The following RANBP2 variants were observed in gnomAD, a reference collection of about 807,000 sequenced individuals.
RANBP2 encodes RAN binding protein 2.
Under a neutral mutation model 303.6 loss-of-function variants are expected in RANBP2, and 57 were observed. The ratio of observed to expected loss-of-function variants is 0.19; its 90% confidence interval spans 0.15 to 0.23. RANBP2 has a LOEUF of 0.23. Among genes scored for constraint, RANBP2 ranks in the 10% least tolerant of loss-of-function variants. RANBP2 has a pLI of 1.00. For synonymous variants in RANBP2, 1,167 were observed against 1,301.5 expected, an observed-to-expected ratio of 0.90 and a Z score of 2.23; for missense variants, 3,138 against 3,780.8, an observed-to-expected ratio of 0.83 and a Z score of 4.46.
At chr2:109,574,198 A>G in the RANBP2 span, among the ~76,000 whole-genome samples, 80,442 of 151,648 alleles carry the variant, frequency 0.53, 22,711 homozygotes, top group African/African-American at 0.73. Context: ...TAGCACTTCA[A>G]GAGACCAAGG....
chr2:109,095,919 A>C, the RANBP2 span, among the ~76,000 whole-genome samples: 1 of 152,160 alleles, frequency 6.6e-6, no homozygotes, highest in Non-Finnish European at 1.5e-5. Context: ...CCTTTGGGTA[A>C]ATGGCAGGGA....
chr2:109,284,015 A>G, the RANBP2 span, among the ~76,000 whole-genome samples: 1 of 152,082 alleles, frequency 6.6e-6, no homozygotes, highest in Non-Finnish European at 1.5e-5. Context: ...CTGGGTAGGA[A>G]AGCCGAGGGG....
At chr2:109,169,239 G>A in the RANBP2 span, among the ~76,000 whole-genome samples, 1 of 152,320 alleles carries the variant, frequency 6.6e-6, no homozygotes, top group South Asian at 2.1e-4. Flanking sequence ...TTGTCTCTAA[G>A]CATTTAAAAT....
the RANBP2 span, among the ~76,000 whole-genome samples, chr2:109,447,669 C>T: frequency 2.6e-5 from 4 of 152,034 alleles, no homozygotes; most frequent in Non-Finnish European, 4.4e-5. Context: ...CCCCTGGGGC[C>T]GTTCATTCTC....
the RANBP2 span, among the ~76,000 whole-genome samples, chr2:109,367,817 GA>G: frequency 6.6e-6 from 1 of 152,128 alleles, no homozygotes; most frequent in African/African-American, 2.4e-5. Context: ...GAGTTCCTAG[GA>G]GTGGCTATTT....
the RANBP2 span, among the ~76,000 whole-genome samples, chr2:109,429,245 C>T: frequency 5.9e-5 from 9 of 152,130 alleles, no homozygotes; most frequent in Non-Finnish European, 8.8e-5. Flanking sequence ...CCACCCAACA[C>T]GAGCCGCATG....
chr2:109,365,792 C>T, the RANBP2 span, among the ~76,000 whole-genome samples: 19,737 of 152,108 alleles, frequency 0.13, 1,432 homozygotes, highest in Middle Eastern at 0.24. Flanking sequence ...TCCCGGCTGT[C>T]GACTGTACTT....
At chr2:109,078,242 AGCGTG>A in the RANBP2 span, among the ~76,000 whole-genome samples, 2 of 30,972 alleles carry the variant, frequency 6.5e-5, no homozygotes, top group Admixed American at 4.1e-4. Context: ...ATATATATAT[AGCGTG>A]TATATATATA....
the RANBP2 span, among the ~76,000 whole-genome samples, chr2:109,581,294 G>A: frequency 3.9e-5 from 6 of 152,024 alleles, no homozygotes; most frequent in African/African-American, 1.4e-4. Flanking sequence ...AAAATTAGCC[G>A]GGTGTCATAG....
chr2:109,134,820 C>G, the RANBP2 span, among the ~76,000 whole-genome samples: 1 of 152,212 alleles, frequency 6.6e-6, no homozygotes, highest in East Asian at 1.9e-4. Flanking sequence ...CTCTTCTATG[C>G]AAGGCTGCTG....
At chr2:109,513,218 G>T in the RANBP2 span, among the ~76,000 whole-genome samples, 1 of 151,998 alleles carries the variant, frequency 6.6e-6, no homozygotes, top group Non-Finnish European at 1.5e-5. Context: ...CAGCACCCAG[G>T]CCCCATGGAT....
chr2:109,026,608 G>A, the RANBP2 span, among the ~76,000 whole-genome samples: 1 of 152,154 alleles, frequency 6.6e-6, no homozygotes, highest in South Asian at 2.1e-4. Context: ...GATATGTCAT[G>A]TATTCAAGTG....
chr2:108,910,812 G>C, the RANBP2 span: 1 of 1,613,824 alleles, frequency 6.2e-7, no homozygotes, highest in African/African-American at 1.3e-5. Flanking sequence ...TTGCTCACTT[G>C]GGCCTCCACG....
the RANBP2 span, among the ~76,000 whole-genome samples, chr2:109,390,170 G>C: frequency 6.6e-6 from 1 of 152,232 alleles, no homozygotes; most frequent in Non-Finnish European, 1.5e-5. Context: ...TCCCAACAGA[G>C]AGACTTCCCT....
chr2:109,399,858 A>C, the RANBP2 span, among the ~76,000 whole-genome samples: 1 of 152,182 alleles, frequency 6.6e-6, no homozygotes, highest in African/African-American at 2.4e-5. Context: ...GACCTTCTGC[A>C]GGACTGTGGC....
chr2:109,614,003 G>A, the RANBP2 span: 2 of 1,200,788 alleles, frequency 1.7e-6, no homozygotes, highest in East Asian at 3.4e-5. Context: ...TCCGGGGGCG[G>A]GGTTGGGGCG....
the RANBP2 span, among the ~76,000 whole-genome samples, chr2:108,804,589 C>T: frequency 6.6e-6 from 1 of 152,028 alleles, no homozygotes; most frequent in African/African-American, 2.4e-5. Context: ...AAAATATTTC[C>T]ATGAGTTTGT....
At chr2:109,799,217 G>A in the RANBP2 span, among the ~76,000 whole-genome samples, 2 of 110,752 alleles carry the variant, frequency 1.8e-5, no homozygotes, top group Admixed American at 9.4e-5. Flanking sequence ...CCAGCCTGGC[G>A]ACAGAGCAAG....
At chr2:108,804,911 A>T in the RANBP2 span, 1 of 1,561,282 alleles carries the variant, frequency 6.4e-7, no homozygotes, top group South Asian at 1.2e-5. Flanking sequence ...GAAGTTGAAC[A>T]CTTAACCGAA....
Sources: allele counts gnomAD v4.1 joint callset (sites outside exome capture counted in the v4.1 genomes callset), GRCh38; gene constraint gnomAD v4.1.1; transcripts MANE v1.5; gene names NCBI Gene and HGNC (gene_info 2026-07-23, HGNC 2026-07-21).